Variants in DNAH3 observed in about 807,000 individuals in gnomAD.
DNAH3 encodes the protein axonemal beta dynein heavy chain 3.
DNAH3 carries 332 observed loss-of-function variants against 432.5 expected under a neutral mutation model. The ratio of observed to expected loss-of-function variants is 0.77; its 90% CI spans 0.70 to 0.84. DNAH3 has a LOEUF of 0.84. DNAH3 is among the 40% of genes least tolerant of loss of function. The pLI is 0.00. For synonymous variants in DNAH3, 1,956 were observed against 1,900.2 expected (o/e 1.03, Z -0.76); for missense variants, 4,861 against 5,114.0 (o/e 0.95, Z 1.51).
intron 3 of DNAH3, among the ~76,000 whole-genome samples, chr16:21,142,410 A>C (rs1215340407): frequency 1.3e-5 from 2 of 152,148 alleles, no homozygotes; most frequent in African/African-American, 2.4e-5. Context: ...TACATACATA[A>C]ATAAAATAAA....
At chr16:21,141,436 A>G in intron 3 of DNAH3, 64 bp from the exon 5 acceptor site, 1 of 1,226,344 alleles carries the variant, frequency 8.2e-7, no homozygotes, top group Non-Finnish European at 1.2e-6. Context: ...CTCCGTCCAC[A>G]GGGGCATGAC....
chr16:21,140,640 G>A (rs2092706707), exon 5 of DNAH3: 1 of 1,614,058 alleles, frequency 6.2e-7, no homozygotes, highest in Non-Finnish European at 8.5e-7. Flanking sequence ...CTGCTTCCTG[G>A]GAACGTCAAA....
intron 24 of DNAH3, chr16:21,063,074 C>G (rs563913045): frequency 5.9e-6 from 1 of 169,592 alleles, no homozygotes; most frequent in Non-Finnish European, 1.3e-5. Flanking sequence ...AGCAAGAGAA[C>G]GAATAAAAGC....
chr16:21,159,238 C>A, intron 1 of DNAH3: 1 of 1,214,578 alleles, frequency 8.2e-7, no homozygotes, highest in Non-Finnish European at 1.2e-6. Flanking sequence ...CTTCTTTACC[C>A]CCAAATTAAT....
intron 19 of DNAH3, 92 bp downstream of exon 19, chr16:21,086,757 G>A: frequency 1.8e-6 from 2 of 1,134,150 alleles, no homozygotes; most frequent in East Asian, 2.3e-5. Context: ...GAAAGGAGAA[G>A]CTTGACCTAG....
rs752505999 is a variant in DNAH3 at position 20,997,265 on chromosome 16, G to A, written c.6601+18C>T. On this transcript the variant is annotated intron_variant, in intron 44 of 61. Coordinates refer to ENST00000261383, the Ensembl canonical transcript of DNAH3. Reference sequence around the variant, plus strand: ...TGGGGATGGAGGGAAAGAGGAATGAGCTCTTCCCTTCACATACCAGTAATG... The same window carrying A: ...TGGGGATGGAGGGAAAGAGGAATGAACTCTTCCCTTCACATACCAGTAATG... 1.2e-6 allele frequency: 2 copies of A among 1,611,298 alleles called. No individual in the cohort carries two copies. Among genetic ancestry groups the A allele is most frequent in the East Asian group, 2.2e-5 (1 of 44,848 alleles).
At chr16:20,988,880 C>G (rs2152677160) in intron 44 of DNAH3, among the ~76,000 whole-genome samples, 1 of 152,174 alleles carries the variant, frequency 6.6e-6, no homozygotes, top group Admixed American at 6.5e-5. Context: ...AGGAGTGAAG[C>G]TGCAGACCTT....
At position 21,140,638 on chromosome 16, in the gene DNAH3, T is replaced by TG; in HGVS notation, c.593dup (p.Gly199ArgfsTer24). ...GTTCTGGACTCATTGGTCTGCTTCCTGGGAACGTCAAAGATGTCTTTACCT... is the reference window on the plus strand; with the variant it reads ...GTTCTGGACTCATTGGTCTGCTTCCTGGGGAACGTCAAAGATGTCTTTACCT... On this transcript the variant is annotated frameshift_variant, in exon 5 of 62. Transcript: ENST00000261383. LOFTEE classifies it high-confidence loss of function. The TG allele has an allele frequency of 3.1e-6, 5 of 1,614,202 alleles. No individual in the cohort carries two copies. The highest frequency in any genetic ancestry group is 4.2e-6 in the Non-Finnish European group (5 of 1,180,030).
intron 5 of DNAH3, among the ~76,000 whole-genome samples, chr16:21,137,991 T>C (rs1222400632): frequency 6.6e-6 from 1 of 151,958 alleles, no homozygotes; most frequent in Non-Finnish European, 1.5e-5. Flanking sequence ...CTCATGCCTG[T>C]AATCCCAGCA....
intron 26 of DNAH3, among the ~76,000 whole-genome samples, chr16:21,058,829 G>T (rs555308638): frequency 6.6e-6 from 1 of 152,202 alleles, no homozygotes; most frequent in Admixed American, 6.5e-5. Flanking sequence ...ACACACTGGG[G>T]CCTGTTAGGA....
intron 27 of DNAH3, among the ~76,000 whole-genome samples, chr16:21,056,040 G>A (rs858194): frequency 0.33 from 50,365 of 152,020 alleles, 8,744 homozygotes; most frequent in East Asian, 0.61. Flanking sequence ...ATCCTGCCCT[G>A]AATCTAGATG....
intron 11 of DNAH3, 108 bp from the exon 12 acceptor site, chr16:21,117,447 T>C (rs1218024039): frequency 2.9e-6 from 2 of 687,546 alleles, no homozygotes; most frequent in Non-Finnish European, 5.2e-6. Flanking sequence ...CCAGCTGCAT[T>C]TTTACTCTAT....
At chr16:21,070,629 G>A (rs2090746708) in intron 22 of DNAH3, 81 bp downstream of exon 22, 1 of 830,804 alleles carries the variant, frequency 1.2e-6, no homozygotes, top group Non-Finnish European at 2.1e-6. Context: ...TTTGTTAACT[G>A]AACGTGAAAA....
chr16:20,968,761 C>T (rs917106049), intron 52 of DNAH3, among the ~76,000 whole-genome samples: 13 of 151,864 alleles, frequency 8.6e-5, no homozygotes, highest in African/African-American at 3.1e-4. Flanking sequence ...CTCTAATTTT[C>T]CATTCCCCAC....
At chr16:20,941,415 G>A in exon 59 of DNAH3, 1 of 1,613,960 alleles carries the variant, frequency 6.2e-7, no homozygotes, top group South Asian at 1.1e-5. Context: ...TGAATCTGAT[G>A]AGCTCCTGCC....
exon 6 of DNAH3, chr16:21,136,360 C>T (rs866756868): frequency 1.2e-6 from 2 of 1,614,006 alleles, no homozygotes; most frequent in Admixed American, 1.7e-5. Context: ...TAGTCATTCT[C>T]CTTCTCCTGC....
At position 21,136,240 on chromosome 16, in the gene DNAH3, CT is replaced by C. The variant is rs1264234005; in HGVS notation, c.886+83del. On this transcript the variant is annotated intron_variant, in intron 6 of 61. Transcript: ENST00000261383. ...ACCAGCCTGAGCAACAAAGCAAGAC[CT>C]TGTCTCTACAAAAATAAAAATAAAA... 3.0e-6 allele frequency: 4 copies of C among 1,346,488 alleles called. No homozygotes were observed. In the African/African-American group the frequency reaches 5.8e-5, roughly 20 times the overall value. 83.4% of individuals were successfully genotyped at this position (1,346,488 alleles called of 1,614,324 possible).
intron 41 of DNAH3, among the ~76,000 whole-genome samples, chr16:21,005,336 T>TTTCC (rs995464196): frequency 1.4e-5 from 2 of 139,200 alleles, no homozygotes; most frequent in African/African-American, 5.2e-5. Context: ...TCCTTCCTTC[T>TTTCC]TTCCTTCCTT....
intron 19 of DNAH3, among the ~76,000 whole-genome samples, chr16:21,084,947 C>T (rs528903462): frequency 6.6e-6 from 1 of 152,154 alleles, no homozygotes; most frequent in Admixed American, 6.5e-5. Context: ...ACCTGTCCCA[C>T]CTAAGCTCCC....
Sources: gnomAD v4.1 joint callset for allele counts (sites outside exome capture counted in the v4.1 genomes callset) on GRCh38, gnomAD v4.1.1 for gene constraint, MANE v1.5 for transcripts, NCBI Gene and HGNC (gene_info 2026-07-23, HGNC 2026-07-21) for gene names.